GPC6: variants seen among roughly 807,000 people sequenced by gnomAD.
GPC6 encodes glypican-6.
GPC6 carries 14 observed loss-of-function variants against 55.2 expected under a neutral mutation model. The ratio of observed to expected loss-of-function variants is 0.25; its 90% CI spans 0.17 to 0.40. GPC6 has a LOEUF of 0.40. Ranked by LOEUF, GPC6 falls within the 10% of genes least tolerant of loss-of-function variation. The probability of loss-of-function intolerance (pLI) is 1.00; values close to 1 mark genes in which losing one functional copy is unlikely to be tolerated. For synonymous variants in GPC6, 278 were observed against 259.6 expected, an observed-to-expected ratio of 1.07 and a Z score of -0.68; for missense variants, 641 against 708.5, an observed-to-expected ratio of 0.90 and a Z score of 1.08.
chr13:93,427,012 A>G (rs1295999144), intron 1 of GPC6, among the ~76,000 whole-genome samples: 4 of 149,734 alleles, frequency 2.7e-5, no homozygotes, highest in Non-Finnish European at 5.9e-5. Context: ...TTTTTCATGT[A>G]TTTTTTGGCT....
At chr13:93,733,060 A>T (rs1883884448) in intron 2 of GPC6, among the ~76,000 whole-genome samples, 1 of 152,022 alleles carries the variant, frequency 6.6e-6, no homozygotes. Context: ...CTACTTGGTT[A>T]TTGTCAGAGA....
intron 1 of GPC6, among the ~76,000 whole-genome samples, chr13:93,348,167 C>T (rs781087705): frequency 6.6e-6 from 1 of 152,112 alleles, no homozygotes; most frequent in Non-Finnish European, 1.5e-5. Flanking sequence ...GAACCAAAGT[C>T]CCCGTGGTGT....
At chr13:93,845,008 C>G (rs1236994402) in intron 3 of GPC6, among the ~76,000 whole-genome samples, 1 of 151,982 alleles carries the variant, frequency 6.6e-6, no homozygotes, top group Non-Finnish European at 1.5e-5. Flanking sequence ...ATCTATATCT[C>G]TGTTTTGGTA....
intron 3 of GPC6, among the ~76,000 whole-genome samples, chr13:94,003,589 GCTT>G (rs1881899717): frequency 1.3e-5 from 2 of 152,148 alleles, no homozygotes; most frequent in Non-Finnish European, 2.9e-5. Flanking sequence ...AATTTGATTA[GCTT>G]ATGCTTGTTA....
intron 1 of GPC6, among the ~76,000 whole-genome samples, chr13:93,307,518 C>G (rs1023449794): frequency 1.3e-5 from 2 of 151,966 alleles, no homozygotes; most frequent in Non-Finnish European, 2.9e-5. Context: ...TATAATAATT[C>G]TAATTATAAA....
intron 2 of GPC6, among the ~76,000 whole-genome samples, chr13:93,596,907 T>G (rs371415334): frequency 1.4e-5 from 2 of 147,958 alleles, no homozygotes; most frequent in African/African-American, 4.9e-5. Flanking sequence ...AGATCTGCAG[T>G]TGGTAGGCTG....
chr13:94,086,082 G>T (rs1195442388), intron 4 of GPC6, among the ~76,000 whole-genome samples: 1 of 150,616 alleles, frequency 6.6e-6, no homozygotes, highest in Non-Finnish European at 1.5e-5. Flanking sequence ...TTGTTTCTAG[G>T]TTAGAGATTC....
chr13:94,299,502 G>A (rs1478978678), intron 5 of GPC6, among the ~76,000 whole-genome samples: 2 of 152,240 alleles, frequency 1.3e-5, no homozygotes, highest in African/African-American at 4.8e-5. Context: ...GAGGCTGTGG[G>A]AGGTAATTAA....
intron 4 of GPC6, among the ~76,000 whole-genome samples, chr13:94,081,893 T>G (rs1254085333): frequency 2.1e-5 from 3 of 146,104 alleles, no homozygotes; most frequent in Non-Finnish European, 4.5e-5. Context: ...CAGGCTGGAG[T>G]GCAGTGGCAT....
chr13:93,761,373 G>A (rs1257016630), intron 2 of GPC6, among the ~76,000 whole-genome samples: 1 of 152,150 alleles, frequency 6.6e-6, no homozygotes, highest in Non-Finnish European at 1.5e-5. Flanking sequence ...ACTAGCACAT[G>A]GAGGCACATC....
intron 4 of GPC6, among the ~76,000 whole-genome samples, chr13:94,086,366 G>A (rs941805009): frequency 1.3e-5 from 2 of 152,026 alleles, no homozygotes; most frequent in Non-Finnish European, 2.9e-5. Flanking sequence ...AAATGAGATC[G>A]GATGAGTGGA....
At chr13:94,176,602 A>G (rs1566503709) in intron 4 of GPC6, among the ~76,000 whole-genome samples, 3 of 152,200 alleles carry the variant, frequency 2.0e-5, no homozygotes, top group Admixed American at 6.6e-5. Flanking sequence ...AATGCCTGGC[A>G]GATACCCTGG....
intron 3 of GPC6, among the ~76,000 whole-genome samples, chr13:93,971,860 T>C (rs2140394807): frequency 6.6e-6 from 1 of 152,324 alleles, no homozygotes; most frequent in South Asian, 2.1e-4. Flanking sequence ...TCACCAGCTC[T>C]AATGACCATG....
chr13:93,607,794 T>A (rs1178515066), intron 2 of GPC6, among the ~76,000 whole-genome samples: 1 of 152,082 alleles, frequency 6.6e-6, no homozygotes, highest in African/African-American at 2.4e-5. Context: ...TCCTTTAACA[T>A]TATGGGCATG....
At chr13:93,356,567 C>T (rs76802587) in intron 1 of GPC6, among the ~76,000 whole-genome samples, 2,391 of 152,284 alleles carry the variant, frequency 0.016, 51 homozygotes, top group African/African-American at 0.052. Context: ...AAAGCATTCG[C>T]AAGCACAAAC....
At chr13:94,277,575 A>G (rs1892252570) in intron 4 of GPC6, among the ~76,000 whole-genome samples, 1 of 152,154 alleles carries the variant, frequency 6.6e-6, no homozygotes, top group Non-Finnish European at 1.5e-5. Flanking sequence ...TCTTACATTT[A>G]AGTCTTTAAT....
chr13:94,293,688 CCT>C (rs763638516), intron 5 of GPC6, among the ~76,000 whole-genome samples: 4 of 152,128 alleles, frequency 2.6e-5, no homozygotes, highest in African/African-American at 9.7e-5. Flanking sequence ...ACATTCATTT[CCT>C]TATTATACAG....
intron 2 of GPC6, among the ~76,000 whole-genome samples, chr13:93,660,595 C>T (rs866974074): frequency 6.6e-6 from 1 of 152,142 alleles, no homozygotes; most frequent in Non-Finnish European, 1.5e-5. Flanking sequence ...ATCTGTTTGT[C>T]CAATCTGTTC....
At chr13:93,870,597 G>A (rs1315991113) in intron 3 of GPC6, among the ~76,000 whole-genome samples, 1 of 151,828 alleles carries the variant, frequency 6.6e-6, no homozygotes, top group Non-Finnish European at 1.5e-5. Context: ...ATCTCAGGAT[G>A]TGACTATATC....
Sources: gnomAD v4.1 joint callset for allele counts (sites outside exome capture counted in the v4.1 genomes callset) on GRCh38, gnomAD v4.1.1 for gene constraint, MANE v1.5 for transcripts, NCBI Gene and HGNC (gene_info 2026-07-23, HGNC 2026-07-21) for gene names.